RIPOR2: variants seen among roughly 807,000 people sequenced by gnomAD.
The protein encoded by RIPOR2 is RHO family interacting cell polarization regulator 2, also known as rho family-interacting cell polarization regulator 2.
RIPOR2 carries 39 observed loss-of-function variants against 114.5 expected under a neutral mutation model. The ratio of observed to expected loss-of-function variants is 0.34; its 90% CI spans 0.26 to 0.44. The LOEUF (loss-of-function observed/expected upper bound fraction) is 0.44. Ranked by LOEUF, RIPOR2 falls within the 20% of genes least tolerant of loss-of-function variation. The pLI is 1.00. For synonymous variants in RIPOR2, 445 were observed against 484.4 expected (o/e 0.92, Z 1.07); for missense variants, 1,007 against 1,255.1 (o/e 0.80, Z 2.99).
At chr6:24,958,577 A>T (rs1027107343) in intron 1 of RIPOR2, among the ~76,000 whole-genome samples, 3 of 152,208 alleles carry the variant, frequency 2.0e-5, no homozygotes, top group Non-Finnish European at 4.4e-5. Flanking sequence ...AAAATTAATT[A>T]TTATTCCTGA....
At position 24,927,176 on chromosome 6, in the gene RIPOR2, C is replaced by T. The variant is rs1446670953; in HGVS notation, c.61+8662G>A. 3.6e-3 allele frequency among the ~76,000 whole-genome samples: 153 copies of T among 42,958 alleles called. 67 individuals are homozygous for T. The highest frequency in any genetic ancestry group is 9.3e-3 in the African/African-American group (104 of 11,134). 28.2% of individuals were successfully genotyped at this position (42,958 alleles called of 152,430 possible). A position where few individuals can be genotyped will look rare whatever the true frequency, so the allele number is the denominator to read the frequency against. On this transcript the variant is annotated intron_variant, in intron 1 of 21. Transcript: ENST00000643898. ...ACCACCACCACAACTACAATCACCA[C>T]CACCATGACCACCACCACAACTACA...
chr6:25,038,033 G>A (rs2113776543), intron 1 of RIPOR2, among the ~76,000 whole-genome samples: 1 of 152,246 alleles, frequency 6.6e-6, no homozygotes, highest in South Asian at 2.1e-4. Context: ...GTTTCAACAG[G>A]AAATTAGATG....
At chr6:24,900,672 C>T (rs1291467480) in intron 1 of RIPOR2, among the ~76,000 whole-genome samples, 4 of 152,172 alleles carry the variant, frequency 2.6e-5, no homozygotes, top group South Asian at 2.1e-4. Context: ...ATGGGAGGAT[C>T]GTCTGAGCCC....
chr6:24,839,065 T>A lies in RIPOR2; in HGVS notation c.2039+26A>T, dbSNP rs1441906171. 5.9e-6 allele frequency: 9 copies of A among 1,533,728 alleles called. No homozygotes were observed. In the Admixed American group the frequency reaches 7.9e-5, roughly 13 times the overall value. On this transcript the variant is annotated intron_variant, in intron 14 of 21. Transcript: ENST00000643898. ...TGTATCAGCTGTGACAGGAGAAATATAAGGAGACACTAACTTCAGACTTAC... is the reference window on the plus strand; with the variant it reads ...TGTATCAGCTGTGACAGGAGAAATAAAAGGAGACACTAACTTCAGACTTAC...
rs934399252 is a variant in RIPOR2, at chr6:25,037,788, G to C, written c.76+4063C>G. 3.3e-4 allele frequency among the ~76,000 whole-genome samples: 50 copies of C among 152,286 alleles called. No individual in the cohort carries two copies. Among genetic ancestry groups the C allele is most frequent in the African/African-American group, 1.0e-3 (43 of 41,572 alleles). On this transcript the variant is annotated intron_variant, in intron 1 of 13. Transcript: ENST00000510784. The surrounding 1 kb of genome is among the most constrained non-coding windows in gnomAD (Gnocchi z 4.5). ...ATTGCTTTACTATGAGTTTAATTTT[G>C]ATGGAACCCAAACGGTTATTGAGTA...
At chr6:24,906,372 T>C (rs1173510171) in intron 1 of RIPOR2, among the ~76,000 whole-genome samples, 1 of 152,220 alleles carries the variant, frequency 6.6e-6, no homozygotes, top group Non-Finnish European at 1.5e-5. Flanking sequence ...CCTTTCCATT[T>C]ACCTGTAATC....
At chr6:24,849,683 G>A (rs186043735) in intron 11 of RIPOR2, 119 bp downstream of exon 11, 12 of 923,086 alleles carry the variant, frequency 1.3e-5, no homozygotes, top group South Asian at 3.2e-5. Flanking sequence ...GGTGGGGCCC[G>A]AGATTCTGCT....
intron 1 of RIPOR2, among the ~76,000 whole-genome samples, chr6:25,008,509 A>AG (rs1271011111): frequency 1.3e-5 from 2 of 152,244 alleles, no homozygotes; most frequent in Non-Finnish European, 2.9e-5. Context: ...CCAAGCCTTG[A>AG]GGGGAATGCA....
chr6:24,809,562 G>A (rs767612595), intron 21 of RIPOR2, among the ~76,000 whole-genome samples, 155 bp downstream of exon 21: 9 of 152,172 alleles, frequency 5.9e-5, no homozygotes, highest in Non-Finnish European at 1.0e-4. Flanking sequence ...TCAGTTCTTC[G>A]TACTCTGTGT....
intron 7 of RIPOR2, among the ~76,000 whole-genome samples, chr6:24,863,137 G>C (rs1273844929): frequency 1.3e-5 from 2 of 151,994 alleles, no homozygotes; most frequent in Admixed American, 1.3e-4. Flanking sequence ...ATTTTTAGTA[G>C]AGACGGGGTT....
intron 12 of RIPOR2, chr6:24,847,487 A>C: frequency 9.2e-6 from 14 of 1,521,248 alleles, no homozygotes; most frequent in Non-Finnish European, 1.2e-5. Context: ...GCTAAGTCAC[A>C]CATGCCACAA....
chr6:24,898,029 AGAAAGAAGGAAGGAAGGAAGGAAG>A (rs1378884170), intron 1 of RIPOR2, among the ~76,000 whole-genome samples: 1 of 151,780 alleles, frequency 6.6e-6, no homozygotes, highest in Non-Finnish European at 1.5e-5. Flanking sequence ...GAAGAAAGAA[AGAAAGAAGGAAGGAAGGAAGGAAG>A]GAAAGAAGGA....
chr6:24,887,380 A>C (rs894016019), intron 1 of RIPOR2, among the ~76,000 whole-genome samples: 4 of 152,126 alleles, frequency 2.6e-5, no homozygotes, highest in Non-Finnish European at 5.9e-5. Context: ...TCTAAGCCCT[A>C]ATTTTTTTTA....
Position 24,875,686 on chromosome 6 carries a change from C to T in RIPOR2, c.188+5G>A. 6.2e-7 allele frequency: 1 copy of T among 1,611,562 alleles called. No homozygotes were observed. Among genetic ancestry groups the T allele is most frequent in the Non-Finnish European group, 8.5e-7 (1 of 1,178,976 alleles). Reference sequence around the variant, plus strand: ...CATCCCGGGAGAGAACCACACAGTACTTGCCTGGATCGCCTTTCCTGGAGG... The same window carrying T: ...CATCCCGGGAGAGAACCACACAGTATTTGCCTGGATCGCCTTTCCTGGAGG... On this transcript the variant is annotated splice_donor_5th_base_variant and intron_variant, in intron 2 of 21. Transcript: ENST00000643898.
chr6:25,020,870 T>G (rs1776286407), intron 1 of RIPOR2, among the ~76,000 whole-genome samples: 1 of 152,194 alleles, frequency 6.6e-6, no homozygotes, highest in African/African-American at 2.4e-5. Flanking sequence ...TTTCTTTTCT[T>G]TTTTTAGACG....
intron 1 of RIPOR2, among the ~76,000 whole-genome samples, chr6:24,882,443 G>T (rs185102887): frequency 2.0e-5 from 3 of 152,278 alleles, no homozygotes; most frequent in Non-Finnish European, 4.4e-5. Context: ...AAGGCAACTG[G>T]GCAAATTGAC....
chr6:25,034,830 C>T (rs925054374), intron 1 of RIPOR2, among the ~76,000 whole-genome samples: 2 of 152,212 alleles, frequency 1.3e-5, no homozygotes, highest in Non-Finnish European at 2.9e-5. Context: ...ACAAAGAGAG[C>T]ACTTTCTCAA....
At chr6:24,923,326 G>A (rs910865835) in intron 1 of RIPOR2, among the ~76,000 whole-genome samples, 1 of 152,154 alleles carries the variant, frequency 6.6e-6, no homozygotes, top group Non-Finnish European at 1.5e-5. Context: ...ATGCTGCTAT[G>A]AATATGATAT....
rs568918276 is a variant in RIPOR2, at chr6:24,914,095, G to A, written c.61+21743C>T. ...CATGCCTATAATCCCAGCACTTTGG[G>A]AGGCCGAGGTGGGTGGATCACTTGA... On this transcript the variant is annotated intron_variant, in intron 1 of 21. Coordinates refer to ENST00000643898, the MANE Select transcript of RIPOR2 (RefSeq NM_001286445.3). Among the ~76,000 whole-genome samples the A allele has an allele frequency of 2.6e-5, 4 of 152,314 alleles. No homozygotes were observed. The South Asian group carries it at 8.3e-4, about 32-fold the overall frequency.
Sources: allele counts gnomAD v4.1 joint callset (sites outside exome capture counted in the v4.1 genomes callset), GRCh38; gene constraint gnomAD v4.1.1; non-coding constraint Gnocchi (gnomAD v3.1); transcripts MANE v1.5; gene names NCBI Gene and HGNC (gene_info 2026-07-23, HGNC 2026-07-21).